TMEM63A: variants seen among roughly 807,000 people sequenced by gnomAD.
TMEM63A encodes transmembrane protein 63A.
Under a neutral mutation model 100.6 loss-of-function variants are expected in TMEM63A, and 76 were observed. The observed-to-expected ratio is 0.76, with a 90% CI of 0.63 to 0.91. The LOEUF (loss-of-function observed/expected upper bound fraction) is 0.91. TMEM63A is among the 40% of genes least tolerant of loss of function. The pLI, the probability that TMEM63A is intolerant of heterozygous loss-of-function variation, is 0.00. For missense variants in TMEM63A, 876 were observed against 1,008.8 expected (o/e 0.87, Z 1.78); for synonymous variants, 401 against 401.1 (o/e 1.00, Z 0.00).
At chr1:225,858,418 C>T (rs1465412413) in intron 15 of TMEM63A, among the ~76,000 whole-genome samples, 1 of 150,596 alleles carries the variant, frequency 6.6e-6, no homozygotes, top group Non-Finnish European at 1.5e-5. Flanking sequence ...CTCCACCTCC[C>T]GGTTCAAGCG....
Position 225,853,488 on chromosome 1 carries a change from C to G in TMEM63A, c.1797+141G>C, listed in dbSNP as rs755927824. ...TGCCTGGACCCGGGTTTGAGAAGCA[C>G]TTAGCCCAGTGCCTGCACTAGTGGG... On this transcript the variant is annotated intron_variant, in intron 19 of 24. Coordinates refer to ENST00000366835, the MANE Select transcript of TMEM63A (RefSeq NM_014698.3). The surrounding 1 kb of genome is among the most constrained non-coding windows in gnomAD (Gnocchi z 4.0). The G allele has an allele frequency of 4.7e-4, 415 of 890,542 alleles. No homozygotes were observed. The highest frequency in any genetic ancestry group is 6.5e-4 in the Non-Finnish European group (403 of 617,444). 55.2% of individuals were successfully genotyped at this position (890,542 alleles called of 1,614,324 possible). A position where few individuals can be genotyped will look rare whatever the true frequency, so the allele number is the denominator to read the frequency against.
At chr1:225,868,493 C>T (rs999976625) in intron 6 of TMEM63A, among the ~76,000 whole-genome samples, 9 of 150,232 alleles carry the variant, frequency 6.0e-5, no homozygotes, top group African/African-American at 2.0e-4. Context: ...CTGGCCAACA[C>T]GGTGAAACTG....
chr1:225,877,349 A>G (rs775348595), intron 3 of TMEM63A, 46 bp downstream of exon 3: 2 of 1,567,544 alleles, frequency 1.3e-6, no homozygotes, highest in Non-Finnish European at 1.7e-6. Context: ...TGGGGCATTT[A>G]AACAAATAAC....
At chr1:225,841,689 C>T (rs1668441018), downstream of TMEM63A, among the ~76,000 whole-genome samples, 1 of 150,254 alleles carries the variant, frequency 6.7e-6, no homozygotes, top group African/African-American at 2.5e-5. Flanking sequence ...GCAACCTCCA[C>T]CTCCCGGGTT....
At chr1:225,877,980 C>T (rs560254757) in intron 2 of TMEM63A, among the ~76,000 whole-genome samples, 31 of 152,006 alleles carry the variant, frequency 2.0e-4, no homozygotes, top group African/African-American at 6.8e-4. Context: ...AAGCCACTGG[C>T]GGATCTAGAG....
rs766281839 is a variant in TMEM63A, at chr1:225,859,376, T to A, written c.1224-27A>T. ...TGCAGCGGGAGAGGGGATACAGGTCTCGAGGCTTGTCTCCCAGTGCTCGTG... is the reference window on the plus strand; with the variant it reads ...TGCAGCGGGAGAGGGGATACAGGTCACGAGGCTTGTCTCCCAGTGCTCGTG... On this transcript the variant is annotated intron_variant, in intron 14 of 24. Transcript: ENST00000366835. The A allele has an allele frequency of 2.3e-5, 37 of 1,611,944 alleles. No individual in the cohort carries two copies. The South Asian group carries it at 3.4e-4, about 15-fold the overall frequency.
chr1:225,871,121 C>G lies in TMEM63A; in HGVS notation c.334-8G>C, dbSNP rs1019965434. On this transcript the variant is annotated splice_region_variant and splice_polypyrimidine_tract_variant and intron_variant, in intron 5 of 24. Transcript: ENST00000366835. Reference sequence around the variant, plus strand: ...CAGCCAGGGACAGCATCCCTGGAAACGGAGAGAACAGGGATTAGCTTCCAA... The same window carrying G: ...CAGCCAGGGACAGCATCCCTGGAAAGGGAGAGAACAGGGATTAGCTTCCAA... 6.2e-6 allele frequency: 10 copies of G among 1,613,684 alleles called. No homozygotes were observed. The highest frequency in any genetic ancestry group is 8.5e-6 in the Non-Finnish European group (10 of 1,179,696).
Position 225,865,987 on chromosome 1 carries a change from G to A in TMEM63A, c.676-20C>T, listed in dbSNP as rs772305336. 1 of 1,613,004 alleles carries A rather than the reference G, an allele frequency of 6.2e-7. No individual in the cohort carries two copies. Among genetic ancestry groups the A allele is most frequent in the Non-Finnish European group, 8.5e-7 (1 of 1,179,414 alleles). The stretch of plus-strand genomic sequence containing the variant: ...CCTCACCTGTCCGGGAAATACAGCA[G>A]GGAGAGAAGTCACCCACAAGCCAGT... On this transcript the variant is annotated intron_variant, in intron 9 of 24. Transcript: ENST00000366835. The surrounding 1 kb of genome is among the most constrained non-coding windows in gnomAD (Gnocchi z 4.6).
chr1:225,842,293 C>A, downstream of TMEM63A: 1 of 1,153,826 alleles, frequency 8.7e-7, no homozygotes, highest in Non-Finnish European at 1.3e-6. Flanking sequence ...GCCAGTGCCA[C>A]ACATCACACC....
Position 225,850,075 on chromosome 1 carries a change from G to A in TMEM63A, c.1908C>T (p.Leu636=). The change falls in exon 21 of 25, where the codon CTC becomes CTT. Residue 636 remains leucine (L), a synonymous_variant. Transcript: ENST00000366835. ...ITCPIIAPFG[L]IYILLKHMVD... is the part of the protein sequence containing the mutation. ...CCATGTGCTTGAGCAGGATGTAGAT[G>A]AGGCCTGCAGGGGATGGGGCTGTGA... The A allele has an allele frequency of 9.9e-6, 16 of 1,614,126 alleles. No individual in the cohort carries two copies. Among genetic ancestry groups the A allele is most frequent in the Non-Finnish European group, 1.3e-5 (15 of 1,180,004 alleles).
intron 16 of TMEM63A, 56 bp downstream of exon 16, chr1:225,856,855 G>A: frequency 6.3e-7 from 1 of 1,589,124 alleles, no homozygotes; most frequent in Non-Finnish European, 8.6e-7. Context: ...GTGGACAAGG[G>A]AGCGGTCAGA....
At chr1:225,855,674 T>C (rs1669577379) in intron 18 of TMEM63A, among the ~76,000 whole-genome samples, 1 of 152,170 alleles carries the variant, frequency 6.6e-6, no homozygotes, top group South Asian at 2.1e-4. Context: ...TCTGCAAGCA[T>C]AGCACAAAGT....
chr1:225,872,094 G>GA (rs199880126), intron 4 of TMEM63A, 41 bp from the exon 5 acceptor site: 63,315 of 974,008 alleles, frequency 0.065, no homozygotes, highest in South Asian at 0.072. Context: ...ATAATTCTTA[G>GA]AAAAAAAAAA....
intron 22 of TMEM63A, 97 bp downstream of exon 22, chr1:225,848,800 G>A: frequency 1.9e-6 from 2 of 1,045,586 alleles, no homozygotes; most frequent in Non-Finnish European, 2.9e-6. Context: ...CTGCTGCTGT[G>A]TTGATACAGA....
At chr1:225,849,222 C>T (rs947939177) in intron 21 of TMEM63A, among the ~76,000 whole-genome samples, 9 of 143,594 alleles carry the variant, frequency 6.3e-5, no homozygotes, top group Non-Finnish European at 1.3e-4. Flanking sequence ...CACAGAGGGA[C>T]CCACTGAATG....
intron 2 of TMEM63A, among the ~76,000 whole-genome samples, chr1:225,878,640 C>T (rs1191964019): frequency 6.6e-6 from 1 of 152,182 alleles, no homozygotes; most frequent in East Asian, 1.9e-4. Context: ...TCAGCCTGGA[C>T]TTGCTTAAGA....
chr1:225,862,523 G>C lies in TMEM63A; in HGVS notation c.883C>G (p.Gln295Glu), dbSNP rs529510505. 1.2e-6 allele frequency: 2 copies of C among 1,614,080 alleles called. No homozygotes were observed. Among genetic ancestry groups the C allele is most frequent in the South Asian group, 2.2e-5 (2 of 91,086 alleles). The part of the protein sequence containing the change: ...YYTNLQVKTG[Q>E]RTLINPKPCG... The stretch of plus-strand genomic sequence containing the variant: ...GGCTTGGGGTTGATGAGGGTCCGCT[G>C]GCCTGTCTTCACCTGCAGGTTTGTG... The change falls in exon 12 of 25, where the codon CAG becomes GAG. Residue 295 changes from glutamine to glutamate, a missense_variant. By Grantham distance (29) the Gln-to-Glu change is conservative. Transcript: ENST00000366835. The surrounding 1 kb of genome is among the most constrained non-coding windows in gnomAD (Gnocchi z 5.1).
Position 225,852,667 on chromosome 1 carries a change from A to G in TMEM63A, c.1900T>C (p.Phe634Leu). ...YSITCPIIAP[F>L]GLIYILLKHM... ...GACAGGCTCCAGGGCCACTCACCAA[A>G]TGGCGCGATGATGGGACAAGTGATG... Residue 634 changes from phenylalanine (F) to leucine (L), a missense_variant, in exon 20 of 25, where the codon TTT becomes CTT. Coordinates refer to ENST00000366835, the MANE Select transcript of TMEM63A (RefSeq NM_014698.3). The G allele has an allele frequency of 6.2e-7, 1 of 1,612,776 alleles. No individual in the cohort carries two copies.
downstream of TMEM63A, chr1:225,842,451 CCTGGA>C (rs1205356901): frequency 6.2e-7 from 1 of 1,613,742 alleles, no homozygotes; most frequent in South Asian, 1.1e-5. Context: ...AATTCCGATA[CCTGGA>C]GGATGGAGGC....
Sources: allele counts gnomAD v4.1 joint callset (sites outside exome capture counted in the v4.1 genomes callset), GRCh38; gene constraint gnomAD v4.1.1; non-coding constraint Gnocchi (gnomAD v3.1); transcripts MANE v1.5; gene names NCBI Gene and HGNC (gene_info 2026-07-23, HGNC 2026-07-21).